The following EYA3 variants were observed in gnomAD, a reference collection of about 807,000 sequenced individuals.
The protein encoded by EYA3 is EYA transcriptional coactivator and phosphatase 3.
A neutral mutation model predicts 80.0 loss-of-function variants in EYA3; 39 were observed. The observed-to-expected ratio is 0.49, with a 90% confidence interval of 0.38 to 0.64. The LOEUF (loss-of-function observed/expected upper bound fraction) is 0.64, where lower values mean the gene tolerates loss of function less well. Ranked by LOEUF, EYA3 falls within the 30% of genes least tolerant of loss-of-function variation. The pLI, the probability that EYA3 is intolerant of heterozygous loss-of-function variation, is 0.00. For missense variants in EYA3, 523 were observed against 676.1 expected (o/e 0.77, Z 2.51); for synonymous variants, 206 against 232.8 (o/e 0.88, Z 1.05).
intron 16 of EYA3, among the ~76,000 whole-genome samples, chr1:27,986,990 C>G (rs28838037): frequency 0.022 from 3,331 of 152,314 alleles, 99 homozygotes; most frequent in African/African-American, 0.067. Context: ...GTGTGAGCCA[C>G]TGTACCCGGC....
intron 2 of EYA3, among the ~76,000 whole-genome samples, chr1:28,051,023 A>G (rs1644227855): frequency 6.6e-6 from 1 of 152,242 alleles, no homozygotes; most frequent in South Asian, 2.1e-4. Flanking sequence ...CCAGTCCTAC[A>G]GAGAACAATT....
intron 7 of EYA3, among the ~76,000 whole-genome samples, chr1:28,027,414 C>T (rs1642852395): frequency 6.6e-6 from 1 of 152,186 alleles, no homozygotes; most frequent in African/African-American, 2.4e-5. Context: ...ACACACCTCA[C>T]ATACTGCTAT....
At chr1:28,053,650 C>T (rs1007376388) in intron 2 of EYA3, among the ~76,000 whole-genome samples, 4 of 152,140 alleles carry the variant, frequency 2.6e-5, no homozygotes, top group East Asian at 1.9e-4. Flanking sequence ...TACAAGGATG[C>T]TGGCTGAATA....
Position 27,988,540 on chromosome 1 carries a change from T to C in EYA3, c.1535A>G (p.Lys512Arg). 6.2e-7 allele frequency: 1 copy of C among 1,612,412 alleles called. No homozygotes were observed. Among genetic ancestry groups the C allele is most frequent in the Non-Finnish European group, 8.5e-7 (1 of 1,179,576 alleles). ...AAACAGCATAGAAACCATACCAATT[T>C]TGGTAGCACTATAGATGTTCTCAAT... Reference protein sequence around the residue: ...FPIENIYSATKIGKESCFERI... With the variant: ...FPIENIYSATRIGKESCFERI... Residue 512 changes from lysine to arginine, a missense_variant, in exon 16 of 18, where the codon AAA (lysine) becomes AGA (arginine). Transcript: ENST00000373871.
intron 1 of EYA3, among the ~76,000 whole-genome samples, chr1:28,086,179 T>TA (rs967970421): frequency 1.8e-4 from 27 of 150,740 alleles, no homozygotes; most frequent in East Asian, 5.8e-4. Context: ...CTTCTTGACT[T>TA]AAAAAAAAAT....
chr1:27,996,202 G>C (rs547113406), intron 13 of EYA3, among the ~76,000 whole-genome samples: 1 of 152,144 alleles, frequency 6.6e-6, no homozygotes, highest in Non-Finnish European at 1.5e-5. Flanking sequence ...CTAAACTCTG[G>C]AGTAATTTGT....
intron 1 of EYA3, among the ~76,000 whole-genome samples, chr1:28,077,796 A>G (rs2148947515): frequency 6.6e-6 from 1 of 152,348 alleles, no homozygotes; most frequent in South Asian, 2.1e-4. Context: ...TGAATATTCT[A>G]TAAATGTGCT....
chr1:28,077,478 A>C (rs11247749), intron 1 of EYA3, among the ~76,000 whole-genome samples: 1 of 152,110 alleles, frequency 6.6e-6, no homozygotes, highest in Admixed American at 6.5e-5. Flanking sequence ...AAGTATTAAG[A>C]AGGAGGAGGT....
At position 28,082,464 on chromosome 1, in the gene EYA3, ATTTG is replaced by A. The variant is rs527586858; in HGVS notation, c.-69+6056_-69+6059del. Reference sequence around the variant, plus strand: ...TTTGCATCTTCTCATTTAGAAAGTAATTTGTTTGTGAAAGTTCCCCTCATCTTTT... The same window carrying A: ...TTTGCATCTTCTCATTTAGAAAGTAATTTGTGAAAGTTCCCCTCATCTTTT... On this transcript the variant is annotated intron_variant, in intron 1 of 17. Transcript: ENST00000373871. Among the ~76,000 whole-genome samples, 7 of 152,264 alleles carry A rather than the reference ATTTG, an allele frequency of 4.6e-5. No homozygotes were observed. The South Asian group carries it at 1.2e-3, about 27-fold the overall frequency.
In EYA3 at chr1:27,999,892, G is replaced by T. The variant is rs747527206; in HGVS notation, c.1083+68C>A. ...AAACACATATCTTCTAATATAATAAGCAAAAGCTCTAAATAGTTATTGAAT... is the reference window on the plus strand; with the variant it reads ...AAACACATATCTTCTAATATAATAATCAAAAGCTCTAAATAGTTATTGAAT... On this transcript the variant is annotated intron_variant, in intron 12 of 17. Coordinates refer to ENST00000373871, the MANE Select transcript of EYA3 (RefSeq NM_001990.4). 87 of 1,198,386 alleles carry T rather than the reference G, an allele frequency of 7.3e-5. 1 individual carries two copies. The highest frequency in any genetic ancestry group is 5.8e-4 in the South Asian group (39 of 67,560). The allele number at this position is 1,198,386 out of a possible 1,614,324, so 74.2% of individuals were successfully genotyped here. A position where few individuals can be genotyped will look rare whatever the true frequency, so the allele number is the denominator to read the frequency against.
In EYA3 at chr1:28,035,021, T is replaced by C. The variant is rs959891122; in HGVS notation, c.361+523A>G. ...CCTAAAACCAATGAAAATAACTCCC[T>C]AGGCACATAAGGTTATAAGAAAATT... On this transcript the variant is annotated intron_variant, in intron 6 of 17. Transcript: ENST00000373871. 3.9e-5 allele frequency among the ~76,000 whole-genome samples: 6 copies of C among 152,208 alleles called. No homozygotes were observed. In the South Asian group the frequency reaches 1.2e-3, roughly 32 times the overall value.
At chr1:27,997,412 G>A in intron 12 of EYA3, 34 bp from the exon 13 acceptor site, 1 of 1,559,930 alleles carries the variant, frequency 6.4e-7, no homozygotes, top group South Asian at 1.1e-5. Flanking sequence ...CTTCAGTCCA[G>A]GGAGTAGAAG....
At chr1:28,084,583 A>T (rs1571989418) in intron 1 of EYA3, among the ~76,000 whole-genome samples, 1 of 17,292 alleles carries the variant, frequency 5.8e-5, no homozygotes, top group African/African-American at 2.5e-4. Context: ...ATATATATAT[A>T]TATATATATA....
intron 2 of EYA3, among the ~76,000 whole-genome samples, chr1:28,055,566 G>A (rs1644409153): frequency 6.6e-6 from 1 of 150,422 alleles, no homozygotes; most frequent in Non-Finnish European, 1.5e-5. Context: ...CACCTCCTGG[G>A]TTCAAGCGAT....
chr1:28,058,134 T>C, intron 1 of EYA3, 40 bp from the exon 2 acceptor site: 1 of 782,470 alleles, frequency 1.3e-6, no homozygotes, highest in Non-Finnish European at 1.9e-6. Flanking sequence ...TATACACTCT[T>C]AAAGTATTAT....
At chr1:28,079,545 G>T (rs2148951609) in intron 1 of EYA3, among the ~76,000 whole-genome samples, 1 of 152,308 alleles carries the variant, frequency 6.6e-6, no homozygotes, top group East Asian at 1.9e-4. Flanking sequence ...TGGACTGTTA[G>T]ATGGAAACTA....
intron 7 of EYA3, among the ~76,000 whole-genome samples, chr1:28,020,828 T>G (rs1398352025): frequency 1.3e-5 from 2 of 152,114 alleles, no homozygotes; most frequent in Admixed American, 6.6e-5. Context: ...TGGCTCCTAT[T>G]ATTATGTATC....
intron 1 of EYA3, among the ~76,000 whole-genome samples, chr1:28,067,860 T>A (rs528410306): frequency 2.9e-4 from 44 of 152,296 alleles, no homozygotes; most frequent in African/African-American, 1.0e-3. Flanking sequence ...TAACAAAAGA[T>A]GCTACAAAGG....
At position 28,028,234 on chromosome 1, in the gene EYA3, G is replaced by A. The variant is rs1055022772; in HGVS notation, c.362-308C>T. Among the ~76,000 whole-genome samples, 9 of 152,074 alleles carry A rather than the reference G, an allele frequency of 5.9e-5. No homozygotes were observed. In the East Asian group the frequency reaches 1.5e-3, roughly 26 times the overall value. ...AAAAAAGAGTTATTGACACCCAACT[G>A]GAGTATCTGTTATAAAGAGTGCCTG... On this transcript the variant is annotated intron_variant, in intron 6 of 17. Coordinates refer to ENST00000373871, the MANE Select transcript of EYA3 (RefSeq NM_001990.4).
Sources: gnomAD v4.1 joint callset for allele counts (sites outside exome capture counted in the v4.1 genomes callset) on GRCh38, gnomAD v4.1.1 for gene constraint, MANE v1.5 for transcripts, NCBI Gene and HGNC (gene_info 2026-07-23, HGNC 2026-07-21) for gene names.